The following TNFSF13B variants were observed in gnomAD, a reference collection of about 807,000 sequenced individuals.
The protein encoded by TNFSF13B is tumor necrosis factor ligand superfamily member 13B.
TNFSF13B carries 8 observed loss-of-function variants against 29.1 expected under a neutral mutation model. The ratio of observed to expected loss-of-function variants is 0.27; its 90% CI spans 0.16 to 0.50. The LOEUF (loss-of-function observed/expected upper bound fraction) is 0.50, where lower values mean the gene tolerates loss of function less well. Ranked by LOEUF, TNFSF13B falls within the 20% of genes least tolerant of loss-of-function variation. The probability of loss-of-function intolerance (pLI) is 0.98; values close to 1 mark genes in which losing one functional copy is unlikely to be tolerated. For synonymous variants in TNFSF13B, 125 were observed against 130.8 expected, an observed-to-expected ratio of 0.96 and a Z score of 0.30; for missense variants, 248 against 334.9, an observed-to-expected ratio of 0.74 and a Z score of 2.03.
At chr13:108,270,466 A>G in intron 2 of TNFSF13B, 42 bp downstream of exon 2, 2 of 1,571,900 alleles carry the variant, frequency 1.3e-6, no homozygotes, top group Non-Finnish European at 8.8e-7. Flanking sequence ...CAGGGATTAG[A>G]GAATAACATC....
chr13:108,286,615 CAT>C (rs1442655956), intron 2 of TNFSF13B, among the ~76,000 whole-genome samples, 186 bp from the exon 3 acceptor site: 2 of 143,048 alleles, frequency 1.4e-5, no homozygotes, highest in South Asian at 4.6e-4. Context: ...TCATGAATTT[CAT>C]ATATATATAT....
At chr13:108,290,029 G>GT (rs750664935) in intron 3 of TNFSF13B, among the ~76,000 whole-genome samples, 1 of 152,064 alleles carries the variant, frequency 6.6e-6, no homozygotes, top group Non-Finnish European at 1.5e-5. Context: ...CTCACTTTCA[G>GT]TTTCCTACAT....
chr13:108,291,955 C>T (rs117785552), intron 3 of TNFSF13B, among the ~76,000 whole-genome samples: 5,159 of 152,162 alleles, frequency 0.034, 135 homozygotes, highest in Non-Finnish European at 0.052. Flanking sequence ...CTAGGGGTAG[C>T]TACCTTTTCA....
intron 3 of TNFSF13B, among the ~76,000 whole-genome samples, chr13:108,299,598 C>G (rs1484617054): frequency 1.3e-5 from 2 of 152,010 alleles, no homozygotes; most frequent in African/African-American, 4.8e-5. Context: ...AATCCTCATC[C>G]TGACAGAGAT....
In TNFSF13B at chr13:108,270,003, C is replaced by A. The variant is rs1300037816; in HGVS notation, c.108C>A (p.Ser36Arg). 2 of 1,613,192 alleles carry A rather than the reference C, an allele frequency of 1.2e-6. No individual in the cohort carries two copies. The highest frequency in any genetic ancestry group is 1.1e-5 in the South Asian group (1 of 91,068). ...TTTCCATCCTCCCACGGAAGGAAAG[C>A]CCCTCTGTCCGATCCTCCAAAGACG... is the stretch of plus-strand genomic sequence containing the variant. The part of the protein sequence containing the change: ...ECVSILPRKE[S>R]PSVRSSKDGK... The change falls in exon 1 of 6, where the codon AGC becomes AGA. Residue 36 changes from serine (S) to arginine (R), a missense_variant. Ser to Arg is a moderately radical substitution (Grantham distance 110). Around this residue, in one of 2 missense-constraint regions of TNFSF13B, gnomAD observed 186 missense variants for 196.3 expected, o/e 0.95. Coordinates refer to ENST00000375887, the MANE Select transcript of TNFSF13B (RefSeq NM_006573.5).
intron 3 of TNFSF13B, among the ~76,000 whole-genome samples, chr13:108,296,216 G>A (rs1881454681): frequency 6.9e-6 from 1 of 145,498 alleles, no homozygotes; most frequent in Admixed American, 6.8e-5. Context: ...TGTTACTATA[G>A]AAATGTCTAT....
chr13:108,290,840 T>G (rs967988319), intron 3 of TNFSF13B, among the ~76,000 whole-genome samples: 3 of 152,052 alleles, frequency 2.0e-5, no homozygotes, highest in Admixed American at 1.3e-4. Flanking sequence ...TTAAACGTAT[T>G]AAGGAAAGAT....
At chr13:108,291,392 C>CT (rs537851732) in intron 3 of TNFSF13B, among the ~76,000 whole-genome samples, 23 of 151,386 alleles carry the variant, frequency 1.5e-4, no homozygotes, top group African/African-American at 5.3e-4. Flanking sequence ...TTTTAGTCTC[C>CT]TTTTTTTTCT....
chr13:108,301,117 T>C (rs1211289902), intron 3 of TNFSF13B: 1 of 152,228 alleles, frequency 6.6e-6, no homozygotes, highest in Non-Finnish European at 1.5e-5. Flanking sequence ...TATAAATTAG[T>C]GTAGCCATTA....
chr13:108,303,190 T>C, intron 3 of TNFSF13B, 63 bp from the exon 4 acceptor site: 1 of 1,070,218 alleles, frequency 9.3e-7, no homozygotes, highest in Admixed American at 2.3e-5. Flanking sequence ...GCTTAACAAC[T>C]AAATGGAGGT....
intron 3 of TNFSF13B, among the ~76,000 whole-genome samples, chr13:108,299,997 A>G (rs1341796388): frequency 1.3e-5 from 2 of 152,208 alleles, no homozygotes; most frequent in Non-Finnish European, 2.9e-5. Flanking sequence ...AATTTTATAC[A>G]TATAAATTTA....
At chr13:108,288,747 T>C (rs972927832) in intron 3 of TNFSF13B, among the ~76,000 whole-genome samples, 1 of 152,138 alleles carries the variant, frequency 6.6e-6, no homozygotes, top group Non-Finnish European at 1.5e-5. Flanking sequence ...AAGTAAAATG[T>C]AGATGAGACG....
chr13:108,307,835 T>C lies in TNFSF13B; in HGVS notation c.*897T>C, dbSNP rs1487352013. Reference sequence around the variant, plus strand: ...TTCTTGCTCTTCTGTTTCAAACTGCTGCTATTGTAGTTTACATATCCCAAC... The same window carrying C: ...TTCTTGCTCTTCTGTTTCAAACTGCCGCTATTGTAGTTTACATATCCCAAC... On this transcript the variant is annotated 3_prime_UTR_variant, in exon 6 of 6. Coordinates refer to ENST00000375887, the MANE Select transcript of TNFSF13B (RefSeq NM_006573.5). 1 of 152,114 alleles carries C rather than the reference T, an allele frequency of 6.6e-6. No individual in the cohort carries two copies. The highest frequency in any genetic ancestry group is 1.5e-5 in the Non-Finnish European group (1 of 67,974). The allele number at this position is 152,114 out of a possible 1,614,324, so 9.4% of individuals were successfully genotyped here.
At chr13:108,292,128 C>G (rs989250192) in intron 3 of TNFSF13B, among the ~76,000 whole-genome samples, 8 of 152,116 alleles carry the variant, frequency 5.3e-5, no homozygotes, top group African/African-American at 1.7e-4. Flanking sequence ...CAATCAGTTA[C>G]CATTTCTCTG....
rs569405899 is a variant in TNFSF13B at position 108,285,325 on chromosome 13, T to C, written c.425-1478T>C. ...TTATTTCAAGTTTTAAATACATTCA[T>C]GTGTTGCTTAATAACAGGGATATAG... On this transcript the variant is annotated intron_variant, in intron 2 of 5. Coordinates refer to ENST00000375887, the MANE Select transcript of TNFSF13B (RefSeq NM_006573.5). Among the ~76,000 whole-genome samples, 9 of 152,354 alleles carry C rather than the reference T, an allele frequency of 5.9e-5. No homozygotes were observed. The South Asian group carries it at 1.7e-3, about 28-fold the overall frequency.
chr13:108,275,257 T>C (rs1880732235), intron 2 of TNFSF13B, among the ~76,000 whole-genome samples: 1 of 152,092 alleles, frequency 6.6e-6, no homozygotes, highest in South Asian at 2.1e-4. Context: ...ATCATGAAGA[T>C]CCACATTTTG....
At chr13:108,270,306 T>G (rs772437704) in intron 1 of TNFSF13B, 34 bp from the exon 2 acceptor site, 1 of 1,613,964 alleles carries the variant, frequency 6.2e-7, no homozygotes, top group South Asian at 1.1e-5. Context: ...GCCTCAGCTG[T>G]CTTTCTAATA....
At chr13:108,286,346 G>T (rs544624899) in intron 2 of TNFSF13B, among the ~76,000 whole-genome samples, 1 of 151,202 alleles carries the variant, frequency 6.6e-6, no homozygotes. Flanking sequence ...TGTTCAATAC[G>T]TATTAGCATT....
At chr13:108,275,148 T>C (rs901878397) in intron 2 of TNFSF13B, among the ~76,000 whole-genome samples, 1 of 152,196 alleles carries the variant, frequency 6.6e-6, no homozygotes, top group Non-Finnish European at 1.5e-5. Context: ...AATTCACTTT[T>C]AAGCCCGTAA....
Sources: gnomAD v4.1 joint callset for allele counts (sites outside exome capture counted in the v4.1 genomes callset) on GRCh38, gnomAD v4.1.1 for gene constraint, gnomAD v4.1.1 regional missense constraint, MANE v1.5 for transcripts, NCBI Gene and HGNC (gene_info 2026-07-23, HGNC 2026-07-21) for gene names.